Variants in HLCS observed in about 807,000 individuals in gnomAD.
The protein encoded by HLCS is holocarboxylase synthetase.
In HLCS, 53 loss-of-function variants were observed where a neutral mutation model predicts 75.0. The observed-to-expected ratio is 0.71, with a 90% CI of 0.57 to 0.89. The LOEUF is 0.89. Ranked by LOEUF, HLCS falls within the 40% of genes least tolerant of loss-of-function variation. The pLI is 0.00. For missense variants in HLCS, 966 were observed against 1,074.0 expected (o/e 0.90, Z 1.41); for synonymous variants, 431 against 428.6 (o/e 1.01, Z -0.07).
intron 6 of HLCS, among the ~76,000 whole-genome samples, chr21:36,879,815 T>C (rs1164548689): frequency 6.7e-6 from 1 of 150,194 alleles, no homozygotes; most frequent in Non-Finnish European, 1.5e-5. Flanking sequence ...GAGGCTGAGG[T>C]GGGAGGACTG....
chr21:36,790,390 G>A (rs1049017912), intron 6 of HLCS, among the ~76,000 whole-genome samples: 1 of 152,112 alleles, frequency 6.6e-6, no homozygotes, highest in African/African-American at 2.4e-5. Flanking sequence ...GCGATGGAGT[G>A]GGACCCCATC....
chr21:36,852,890 C>T (rs2063061737), intron 6 of HLCS, among the ~76,000 whole-genome samples: 1 of 152,140 alleles, frequency 6.6e-6, no homozygotes, highest in African/African-American at 2.4e-5. Context: ...TTTGCCCCTC[C>T]CAATTTTAAT....
At chr21:36,820,951 G>T (rs1191363836) in intron 6 of HLCS, among the ~76,000 whole-genome samples, 2 of 152,210 alleles carry the variant, frequency 1.3e-5, no homozygotes, top group African/African-American at 2.4e-5. Context: ...GTGCAGACTG[G>T]GAGGCGACTT....
In HLCS at chr21:36,938,869, G is replaced by T. The variant is rs778232930; in HGVS notation, c.456C>A (p.Leu152=). The change falls in exon 3 of 11, where the codon CTC becomes CTA. Residue 152 remains leucine (L), a synonymous_variant. Transcript: ENST00000674895. ...GGGGTACCAGTCCATTATCCATGTGGAGTCTATCTTCCATGAACGCCACCC... is the reference window on the plus strand; with the variant it reads ...GGGGTACCAGTCCATTATCCATGTGTAGTCTATCTTCCATGAACGCCACCC... ...KLGVAFMEDR[L]HMDNGLVPQK... is the part of the protein sequence containing the mutation. 9 of 1,613,960 alleles carry T rather than the reference G, an allele frequency of 5.6e-6. No homozygotes were observed. The highest frequency in any genetic ancestry group is 7.6e-6 in the Non-Finnish European group (9 of 1,180,026).
At chr21:36,773,606 C>T (rs1201416736) in intron 6 of HLCS, among the ~76,000 whole-genome samples, 1 of 152,210 alleles carries the variant, frequency 6.6e-6, no homozygotes, top group East Asian at 1.9e-4. Flanking sequence ...CTTCTCTTTG[C>T]TATCTTCTTT....
At chr21:36,833,593 T>TTTTATATA (rs2062294697) in intron 6 of HLCS, among the ~76,000 whole-genome samples, 1 of 140,008 alleles carries the variant, frequency 7.1e-6, no homozygotes, top group Non-Finnish European at 1.5e-5. Flanking sequence ...TAAAAAAAAA[T>TTTTATATA]TATATATATA....
At chr21:36,777,245 C>T (rs2060387067) in intron 6 of HLCS, among the ~76,000 whole-genome samples, 1 of 152,070 alleles carries the variant, frequency 6.6e-6, no homozygotes, top group South Asian at 2.1e-4. Context: ...ACTTATTCAT[C>T]CCTCATCCCT....
At chr21:36,921,621 A>C (rs1292487453) in intron 5 of HLCS, among the ~76,000 whole-genome samples, 1 of 152,188 alleles carries the variant, frequency 6.6e-6, no homozygotes, top group African/African-American at 2.4e-5. Flanking sequence ...TTCAGGACCC[A>C]GCGATCTAGC....
chr21:36,895,580 C>T (rs1440999057), intron 6 of HLCS, among the ~76,000 whole-genome samples: 7 of 152,184 alleles, frequency 4.6e-5, no homozygotes, highest in South Asian at 4.1e-4. Context: ...TCTGCCAATG[C>T]CTCCTCTAAT....
intron 1 of HLCS, among the ~76,000 whole-genome samples, chr21:36,987,999 G>A (rs971106394): frequency 2.6e-5 from 4 of 152,162 alleles, no homozygotes; most frequent in African/African-American, 9.7e-5. Context: ...TTACTATGCA[G>A]TTTAGCTCAT....
At chr21:36,967,822 C>A (rs534117957), upstream of HLCS, among the ~76,000 whole-genome samples, 1 of 150,892 alleles carries the variant, frequency 6.6e-6, no homozygotes, top group African/African-American at 2.4e-5. Flanking sequence ...TGGGTTCAAG[C>A]GATTCTCCTG....
At chr21:36,967,577 G>A (rs2068659568), upstream of HLCS, among the ~76,000 whole-genome samples, 1 of 152,236 alleles carries the variant, frequency 6.6e-6, no homozygotes, top group African/African-American at 2.4e-5. Flanking sequence ...AAGGCATTAT[G>A]TAAAGAACGT....
At position 36,938,836 on chromosome 21, in the gene HLCS, A is replaced by C. The variant is rs886057079; in HGVS notation, c.489T>G (p.Ile163Met). The change falls in exon 3 of 11, where the codon ATT (isoleucine) becomes ATG (methionine). Residue 163 changes from isoleucine (I) to methionine (M), a missense_variant. By Grantham distance (10) the Ile-to-Met change is conservative (BLOSUM62 1). Coordinates refer to ENST00000674895, the MANE Select transcript of HLCS (RefSeq NM_001352514.2). The stretch of plus-strand genomic sequence containing the variant: ...ACATTTTCTAAAGTTACTTACACAC[A>C]ATCTTTTGGGGTACCAGTCCATTAT... Reference protein sequence around the residue: ...HMDNGLVPQKIVSVHLQDSTL... With the variant: ...HMDNGLVPQKMVSVHLQDSTL... 6.2e-7 allele frequency: 1 copy of C among 1,613,994 alleles called. No individual in the cohort carries two copies. Among genetic ancestry groups the C allele is most frequent in the Admixed American group, 1.7e-5 (1 of 60,012 alleles).
rs1446687714 is a variant in HLCS at position 36,756,530 on chromosome 21, G to A, written c.2450+12C>T. 1.3e-6 allele frequency: 2 copies of A among 1,555,060 alleles called. No individual in the cohort carries two copies. Among genetic ancestry groups the A allele is most frequent in the Admixed American group, 3.4e-5 (2 of 58,566 alleles). ...AAGGAGTTGAAAAGAATGAAGATGAGCCAGCACTGACCTGTGGACCCAGTA... is the reference window on the plus strand; with the variant it reads ...AAGGAGTTGAAAAGAATGAAGATGAACCAGCACTGACCTGTGGACCCAGTA... On this transcript the variant is annotated intron_variant, in intron 10 of 10. Transcript: ENST00000674895.
At chr21:36,979,227 G>A (rs1196444615) in intron 1 of HLCS, among the ~76,000 whole-genome samples, 5 of 150,204 alleles carry the variant, frequency 3.3e-5, no homozygotes, top group Admixed American at 6.6e-5. Flanking sequence ...AGCCAAGATC[G>A]CGCCACTGCC....
intron 6 of HLCS, among the ~76,000 whole-genome samples, chr21:36,775,809 T>C (rs545011532): frequency 6.6e-6 from 1 of 152,334 alleles, no homozygotes; most frequent in South Asian, 2.1e-4. Flanking sequence ...GCTGCCGCTA[T>C]TTCAGAGGAT....
At chr21:36,827,163 C>T (rs1226516259) in intron 6 of HLCS, among the ~76,000 whole-genome samples, 1 of 152,000 alleles carries the variant, frequency 6.6e-6, no homozygotes, top group Non-Finnish European at 1.5e-5. Flanking sequence ...GGAGCTTATA[C>T]TGGAAGTCTG....
At position 36,937,407 on chromosome 21, in the gene HLCS, G is replaced by GGA. The variant is rs146532042; in HGVS notation, c.494-17_494-16dup. ...CAAGTGCACCGCTAAGGCATGAATA[G>GGA]GAGAGAGAGACAGAAAATTAATCAA... On this transcript the variant is annotated splice_polypyrimidine_tract_variant and intron_variant, in intron 3 of 10. Transcript: ENST00000674895. The GGA allele has an allele frequency of 1.9e-6, 3 of 1,600,844 alleles. No homozygotes were observed. In the East Asian group the frequency reaches 6.7e-5, roughly 36 times the overall value.
At chr21:36,899,039 T>C (rs966156176) in intron 5 of HLCS, among the ~76,000 whole-genome samples, 24 of 151,938 alleles carry the variant, frequency 1.6e-4, no homozygotes, top group African/African-American at 5.8e-4. Context: ...CCAGCCTGAG[T>C]GACAGAACCA....
Sources: gnomAD v4.1 joint callset for allele counts (sites outside exome capture counted in the v4.1 genomes callset) on GRCh38, gnomAD v4.1.1 for gene constraint, MANE v1.5 for transcripts, NCBI Gene and HGNC (gene_info 2026-07-23, HGNC 2026-07-21) for gene names.